Variants in HDAC8 observed in about 807,000 individuals in gnomAD.
HDAC8 encodes the protein histone deacetylase 8.
HDAC8 carries 1 observed loss-of-function variant against 32.2 expected under a neutral mutation model. That is an observed-to-expected ratio of 0.03 (90% confidence interval 0.01 to 0.15). The LOEUF (loss-of-function observed/expected upper bound fraction) is 0.15. HDAC8 is among the 10% of genes least tolerant of loss of function. The pLI is 1.00. For missense variants in HDAC8, 117 were observed against 300.0 expected (o/e 0.39, Z 4.51); for synonymous variants, 108 against 113.9 (o/e 0.95, Z 0.33).
chrX:72,364,281 G>A (rs782203246), intron 9 of HDAC8, among the ~76,000 whole-genome samples: 15 of 110,932 alleles, frequency 1.4e-4, no homozygotes, highest in South Asian at 3.9e-4. Flanking sequence ...TCTTTCATCT[G>A]TCTCTGAAAT....
chrX:72,542,086 T>C (rs2050725252), intron 4 of HDAC8, among the ~76,000 whole-genome samples: 1 of 112,488 alleles, frequency 8.9e-6, no homozygotes. Flanking sequence ...TTGATCACCA[T>C]GTCCATTCTG....
chrX:72,531,464 C>T (rs2050335874), intron 4 of HDAC8, among the ~76,000 whole-genome samples: 1 of 111,929 alleles, frequency 8.9e-6, no homozygotes, highest in Admixed American at 9.5e-5. Context: ...TTTCTGGTCA[C>T]TAATATGCAT....
chrX:72,544,628 G>T (rs1556049040), intron 4 of HDAC8, among the ~76,000 whole-genome samples: 1 of 111,393 alleles, frequency 9.0e-6, no homozygotes, highest in African/African-American at 3.3e-5. Context: ...TTACACTTTG[G>T]GGCTTGGCCT....
chrX:72,559,751 G>T (rs2051452361), intron 4 of HDAC8, among the ~76,000 whole-genome samples: 1 of 108,063 alleles, frequency 9.3e-6, no homozygotes, highest in Admixed American at 9.7e-5. Context: ...GAGCATCTCT[G>T]CCCGGCCGCC....
At chrX:72,352,935 A>T (rs1027235740) in intron 9 of HDAC8, among the ~76,000 whole-genome samples, 8 of 112,029 alleles carry the variant, frequency 7.1e-5, no homozygotes, top group African/African-American at 2.6e-4. Flanking sequence ...GTATTTGTGC[A>T]CACTCTCCAG....
At chrX:72,438,861 G>A (rs1256036397) in intron 9 of HDAC8, among the ~76,000 whole-genome samples, 1 of 112,018 alleles carries the variant, frequency 8.9e-6, no homozygotes, top group Non-Finnish European at 1.9e-5. Context: ...AAGTGACAGG[G>A]AGAATGGAAC....
chrX:72,353,240 T>C (rs1194064407), intron 9 of HDAC8, among the ~76,000 whole-genome samples: 1 of 112,264 alleles, frequency 8.9e-6, no homozygotes. Context: ...GTAGATTCCA[T>C]GGAAGTAACT....
chrX:72,515,873 A>G (rs961895458), intron 4 of HDAC8, among the ~76,000 whole-genome samples: 1 of 112,228 alleles, frequency 8.9e-6, no homozygotes, highest in Admixed American at 9.4e-5. Context: ...TCACTGGTCT[A>G]TCACTTTTTA....
chrX:72,571,871 C>G lies in HDAC8; in HGVS notation c.164+186G>C, dbSNP rs192758726. 0.022 allele frequency: 9,131 copies of G among 407,446 alleles called. 112 individuals are homozygous for G. Among genetic ancestry groups the G allele is most frequent in the Non-Finnish European group, 0.029 (7,113 of 245,463 alleles). 33.6% of individuals were successfully genotyped at this position (407,446 alleles called of 1,213,427 possible). ...GGCGTGAGCCATGCTCTCGGCCCCC[C>G]AAGTTTTCTTAATTCTTCAAGAGCT... is the stretch of plus-strand genomic sequence containing the variant. On this transcript the variant is annotated intron_variant, in intron 2 of 10. Coordinates refer to ENST00000373573, the MANE Select transcript of HDAC8 (RefSeq NM_018486.3).
intron 4 of HDAC8, among the ~76,000 whole-genome samples, chrX:72,510,534 C>T (rs1451635747): frequency 9.0e-6 from 1 of 111,580 alleles, no homozygotes; most frequent in Non-Finnish European, 1.9e-5. Context: ...CTTTCCCTTT[C>T]AATAATTATA....
At position 72,365,236 on chromosome X, in the gene HDAC8, C is replaced by T. The variant is rs112802567; in HGVS notation, c.1006-13398G>A. ...TCTCAAAAAGTTCTGGATTTTGGAG[C>T]GTTTTAAAGTTCAGATTTTCAAATT... is the stretch of plus-strand genomic sequence containing the variant. On this transcript the variant is annotated intron_variant, in intron 9 of 10. Coordinates refer to ENST00000373573, the MANE Select transcript of HDAC8 (RefSeq NM_018486.3). Among the ~76,000 whole-genome samples, 724 of 111,527 alleles carry T rather than the reference C, an allele frequency of 6.5e-3. 8 individuals carry two copies. Among genetic ancestry groups the T allele is most frequent in the Non-Finnish European group, 0.011 (576 of 53,103 alleles).
intron 4 of HDAC8, among the ~76,000 whole-genome samples, chrX:72,551,913 C>T (rs782034674): frequency 1.8e-5 from 2 of 111,786 alleles, no homozygotes; most frequent in Non-Finnish European, 3.8e-5. Context: ...TTCTTGGTGC[C>T]AGAATTTCAT....
chrX:72,464,379 G>A (rs782387600), intron 8 of HDAC8, 180 bp downstream of exon 8: 16 of 462,809 alleles, frequency 3.5e-5, no homozygotes, highest in Non-Finnish European at 5.8e-5. Flanking sequence ...GCTGAGAAGT[G>A]TGTCAGAGTA....
intron 4 of HDAC8, among the ~76,000 whole-genome samples, chrX:72,532,705 T>G (rs1556036810): frequency 9.0e-6 from 1 of 110,896 alleles, no homozygotes; most frequent in African/African-American, 3.3e-5. Context: ...TTATACATTT[T>G]TCAATTGAGT....
At chrX:72,363,010 T>C (rs1328185796) in intron 9 of HDAC8, among the ~76,000 whole-genome samples, 3 of 110,799 alleles carry the variant, frequency 2.7e-5, no homozygotes, top group Middle Eastern at 4.6e-3. Context: ...GGGGCTTAGA[T>C]TGGGAAGGGG....
intron 9 of HDAC8, among the ~76,000 whole-genome samples, chrX:72,405,140 CCT>C (rs1321168632): frequency 9.0e-6 from 1 of 111,169 alleles, no homozygotes; most frequent in Non-Finnish European, 1.9e-5. Flanking sequence ...CACCCTCCAT[CCT>C]CTGATAAGCC....
chrX:72,362,614 T>C (rs1555953057), intron 9 of HDAC8, among the ~76,000 whole-genome samples: 1 of 112,475 alleles, frequency 8.9e-6, no homozygotes, highest in African/African-American at 3.2e-5. Context: ...AGTGAATTCA[T>C]GTAAAGAACT....
chrX:72,495,599 G>A (rs1413469975), intron 4 of HDAC8, among the ~76,000 whole-genome samples: 3 of 111,409 alleles, frequency 2.7e-5, no homozygotes, highest in Non-Finnish European at 5.7e-5. Flanking sequence ...TATACCCTGG[G>A]GTCATCATGA....
At chrX:72,360,427 T>C (rs1323803508) in intron 9 of HDAC8, among the ~76,000 whole-genome samples, 1 of 112,260 alleles carries the variant, frequency 8.9e-6, no homozygotes, top group Non-Finnish European at 1.9e-5. Context: ...AGCTCTCACA[T>C]TTTTTATTGT....
Sources: gnomAD v4.1 joint callset for allele counts (sites outside exome capture counted in the v4.1 genomes callset) on GRCh38, gnomAD v4.1.1 for gene constraint, MANE v1.5 for transcripts, NCBI Gene and HGNC (gene_info 2026-07-23, HGNC 2026-07-21) for gene names.